FEZ1: variants seen among roughly 807,000 people sequenced by gnomAD.
FEZ1 encodes fasciculation and elongation protein zeta-1.
Under a neutral mutation model 49.3 loss-of-function variants are expected in FEZ1, and 20 were observed. That is an observed-to-expected ratio of 0.41 (90% CI 0.29 to 0.59). The LOEUF (loss-of-function observed/expected upper bound fraction) is 0.59. FEZ1 is among the 20% of genes least tolerant of loss of function. The probability of loss-of-function intolerance (pLI) is 0.36; values close to 1 mark genes in which losing one functional copy is unlikely to be tolerated. For missense variants in FEZ1, 413 were observed against 476.0 expected, an observed-to-expected ratio of 0.87 and a Z score of 1.23; for synonymous variants, 170 against 180.9, an observed-to-expected ratio of 0.94 and a Z score of 0.48.
intron 3 of FEZ1, among the ~76,000 whole-genome samples, chr11:125,479,231 C>T (rs1255217400): frequency 6.6e-6 from 1 of 152,192 alleles, no homozygotes; most frequent in Non-Finnish European, 1.5e-5. Context: ...TATATGGCTA[C>T]ATTTTCAACA....
At chr11:125,486,152 C>T (rs1253397884) in intron 2 of FEZ1, among the ~76,000 whole-genome samples, 2 of 152,160 alleles carry the variant, frequency 1.3e-5, no homozygotes, top group East Asian at 1.9e-4. Context: ...TGTAGTATAT[C>T]TGATGACAGG....
chr11:125,447,650 C>T (rs1393761186), intron 9 of FEZ1, among the ~76,000 whole-genome samples: 1 of 151,908 alleles, frequency 6.6e-6, no homozygotes, highest in Non-Finnish European at 1.5e-5. Context: ...GGTGAAACCC[C>T]GTCTCTACTA....
intron 2 of FEZ1, chr11:125,488,674 C>A (rs1484297816): frequency 2.1e-6 from 2 of 972,186 alleles, no homozygotes; most frequent in Non-Finnish European, 2.4e-6. Flanking sequence ...AATGAAACTT[C>A]ATCTCAAAAA....
rs548271192 is a variant in FEZ1 at position 125,484,439 on chromosome 11, C to T, written c.312-2806G>A. Among the ~76,000 whole-genome samples, 68 of 152,296 alleles carry T rather than the reference C, an allele frequency of 4.5e-4. 2 individuals are homozygous for T. In the South Asian group the frequency reaches 0.013, roughly 30 times the overall value. ...TCTTTATGAATTCTGTAATTGGCAT[C>T]GGTATGGGCATCAGAATAACATACC... On this transcript the variant is annotated intron_variant, in intron 2 of 9. Transcript: ENST00000278919.
chr11:125,444,436 T>C lies in FEZ1; in HGVS notation c.*1659A>G, dbSNP rs910056408. Reference sequence around the variant, plus strand: ...CCTGGTCTCTACTAAAAATATAAAATTAGCTGGGTGTGGTGCTGCATGCCT... The same window carrying C: ...CCTGGTCTCTACTAAAAATATAAAACTAGCTGGGTGTGGTGCTGCATGCCT... On this transcript the variant is annotated 3_prime_UTR_variant, in exon 10 of 10. Coordinates refer to ENST00000278919, the MANE Select transcript of FEZ1 (RefSeq NM_005103.5). 2.0e-5 allele frequency among the ~76,000 whole-genome samples: 3 copies of C among 152,060 alleles called. No individual in the cohort carries two copies. Among genetic ancestry groups the C allele is most frequent in the African/African-American group, 7.2e-5 (3 of 41,416 alleles).
At chr11:125,447,695 G>A (rs1173564926) in intron 9 of FEZ1, among the ~76,000 whole-genome samples, 5 of 152,018 alleles carry the variant, frequency 3.3e-5, no homozygotes, top group African/African-American at 9.7e-5. Flanking sequence ...GGTGGCAGGC[G>A]CCTGTAATCC....
intron 3 of FEZ1, among the ~76,000 whole-genome samples, chr11:125,474,358 G>C (rs1169149262): frequency 2.6e-5 from 4 of 151,274 alleles, no homozygotes; most frequent in African/African-American, 4.9e-5. Context: ...TTTTGAGAGG[G>C]GATCTCACTA....
chr11:125,487,870 TAG>T (rs1255914402), intron 2 of FEZ1, among the ~76,000 whole-genome samples: 1 of 152,200 alleles, frequency 6.6e-6, no homozygotes. Flanking sequence ...TGTGTAAAAG[TAG>T]AGTCTTACAG....
intron 3 of FEZ1, among the ~76,000 whole-genome samples, chr11:125,466,341 A>T (rs1212994038): frequency 2.0e-5 from 3 of 152,100 alleles, no homozygotes; most frequent in African/African-American, 7.2e-5. Context: ...TTAGTCAGGC[A>T]TGATGGCACA....
Sources: gnomAD v4.1 joint callset for allele counts (sites outside exome capture counted in the v4.1 genomes callset) on GRCh38, gnomAD v4.1.1 for gene constraint, MANE v1.5 for transcripts, NCBI Gene and HGNC (gene_info 2026-07-23, HGNC 2026-07-21) for gene names.